HSPH1: variants seen among roughly 807,000 people sequenced by gnomAD.
The protein encoded by HSPH1 is heat shock protein family H (Hsp110) member 1, also known as heat shock protein 105 kDa.
In HSPH1, 40 loss-of-function variants were observed where a neutral mutation model predicts 100.0. The observed-to-expected ratio is 0.40, with a 90% confidence interval of 0.31 to 0.52. HSPH1 has a LOEUF of 0.52. Ranked by LOEUF, HSPH1 falls within the 20% of genes least tolerant of loss-of-function variation. The pLI, the probability that HSPH1 is intolerant of heterozygous loss-of-function variation, is 0.54. For synonymous variants in HSPH1, 403 were observed against 344.0 expected (o/e 1.17, Z -1.90); for missense variants, 876 against 1,015.1 (o/e 0.86, Z 1.86).
intron 11 of HSPH1, among the ~76,000 whole-genome samples, chr13:31,144,888 C>T (rs1452153308): frequency 1.3e-5 from 2 of 152,136 alleles, no homozygotes; most frequent in Non-Finnish European, 2.9e-5. Flanking sequence ...AGAAAGGTAA[C>T]AGTGATCACT....
At chr13:31,159,485 C>T (rs906287857) in intron 1 of HSPH1, among the ~76,000 whole-genome samples, 5 of 152,162 alleles carry the variant, frequency 3.3e-5, no homozygotes, top group African/African-American at 9.7e-5. Context: ...TCAGTTACAT[C>T]AAATCTGTTT....
In HSPH1 at chr13:31,138,456, A is replaced by T. The variant is rs1398268844; in HGVS notation, c.2321T>A (p.Leu774His). ...AGCACGTACAACTGGATCCTGATCA[A>T]GACTCTTTTTAGCCTGAGCATTCAT... ...NVMNAQAKKSLDQDPVVRAQE... is the reference protein window; with the variant it reads ...NVMNAQAKKSHDQDPVVRAQE... The change falls in exon 17 of 18, where the codon CTT becomes CAT. Residue 774 changes from leucine to histidine, a missense_variant. Leu to His is a moderately conservative substitution (Grantham distance 99). Coordinates refer to ENST00000320027, the MANE Select transcript of HSPH1 (RefSeq NM_006644.4). The T allele has an allele frequency of 1.2e-6, 2 of 1,613,414 alleles. No individual in the cohort carries two copies.
intron 2 of HSPH1, 122 bp downstream of exon 2, chr13:31,158,682 TAC>T: frequency 1.6e-6 from 1 of 627,550 alleles, no homozygotes; most frequent in East Asian, 2.7e-5. Context: ...ATACTTGAAT[TAC>T]ATTTTTAAAA....
At chr13:31,137,627 A>C in intron 17 of HSPH1, 103 bp from the exon 18 acceptor site, 1 of 760,870 alleles carries the variant, frequency 1.3e-6, no homozygotes, top group Non-Finnish European at 2.1e-6. Flanking sequence ...ACCAACTCCA[A>C]TTACACATAA....
intron 5 of HSPH1, chr13:31,152,264 A>G (rs1956515293): frequency 6.6e-6 from 1 of 152,334 alleles, no homozygotes; most frequent in East Asian, 1.9e-4. Context: ...TTTTCCAAAA[A>G]CCTAACAGAA....
intron 17 of HSPH1, 93 bp downstream of exon 17, chr13:31,138,314 T>C: frequency 8.4e-7 from 1 of 1,192,748 alleles, no homozygotes; most frequent in Non-Finnish European, 1.2e-6. Context: ...AGGTAAAAGA[T>C]TTACAGGAAA....
intron 9 of HSPH1, 35 bp from the exon 10 acceptor site, chr13:31,148,127 A>G (rs1321823299): frequency 1.9e-6 from 3 of 1,588,960 alleles, no homozygotes; most frequent in Admixed American, 3.7e-5. Flanking sequence ...CAGCAGATGA[A>G]GAACTTAAAA....
intron 14 of HSPH1, 76 bp from the exon 15 acceptor site, chr13:31,139,183 A>C: frequency 1.1e-6 from 1 of 911,314 alleles, no homozygotes; most frequent in Non-Finnish European, 1.8e-6. Flanking sequence ...AGGTATTCTC[A>C]CACTAGGTAG....
Position 31,151,207 on chromosome 13 carries a change from CAACA to C in HSPH1, c.664-20_664-17del. 1 of 1,580,616 alleles carries C rather than the reference CAACA, an allele frequency of 6.3e-7. No homozygotes were observed. The highest frequency in any genetic ancestry group is 8.6e-7 in the Non-Finnish European group (1 of 1,162,154). Reference sequence around the variant, plus strand: ...TTCCCAGTACCTAATTTGGTTGAAACAACAAATAGTCTGGTTATTTTCAATCACA... The same window carrying C: ...TTCCCAGTACCTAATTTGGTTGAAACAATAGTCTGGTTATTTTCAATCACA... On this transcript the variant is annotated splice_polypyrimidine_tract_variant and intron_variant, in intron 6 of 17. Coordinates refer to ENST00000320027, the MANE Select transcript of HSPH1 (RefSeq NM_006644.4).
intron 10 of HSPH1, 57 bp downstream of exon 10, chr13:31,147,902 G>T: frequency 7.0e-7 from 1 of 1,425,568 alleles, no homozygotes; most frequent in Non-Finnish European, 9.5e-7. Flanking sequence ...TTTGTACAAT[G>T]AGTGAGAAGC....
chr13:31,142,333 T>TC (rs1187455474), intron 12 of HSPH1, among the ~76,000 whole-genome samples: 3 of 152,088 alleles, frequency 2.0e-5, no homozygotes, highest in African/African-American at 7.2e-5. Context: ...ATCTCAGTGT[T>TC]CCTTAGAAAT....
intron 17 of HSPH1, among the ~76,000 whole-genome samples, chr13:31,137,927 C>G (rs1179355108): frequency 6.6e-6 from 1 of 152,136 alleles, no homozygotes; most frequent in African/African-American, 2.4e-5. Flanking sequence ...CCTTGACCTT[C>G]ACTGTGTTTG....
rs560743376 is a variant in HSPH1 at position 31,158,765 on chromosome 13, C to A, written c.165+41G>T. Reference sequence around the variant, plus strand: ...TCTTGAGATTTTCCTTTTAAAAACTCCCCCCTTAAAAAGTGATCCGAATTC... The same window carrying A: ...TCTTGAGATTTTCCTTTTAAAAACTACCCCCTTAAAAAGTGATCCGAATTC... On this transcript the variant is annotated intron_variant, in intron 2 of 17. Transcript: ENST00000320027. 804 of 1,277,056 alleles carry A rather than the reference C, an allele frequency of 6.3e-4. 8 individuals are homozygous for A. The South Asian group carries it at 9.4e-3, about 15-fold the overall frequency. The allele number at this position is 1,277,056 out of a possible 1,614,324, so 79.1% of individuals were successfully genotyped here.
At chr13:31,143,583 A>C (rs542608551) in intron 12 of HSPH1, among the ~76,000 whole-genome samples, 41 of 152,148 alleles carry the variant, frequency 2.7e-4, no homozygotes, top group Non-Finnish European at 5.3e-4. Flanking sequence ...AAGCTTTTAA[A>C]AGTTTAAAGC....
upstream of HSPH1, chr13:31,162,215 G>A (rs1241905914): frequency 3.4e-6 from 3 of 893,618 alleles, no homozygotes; most frequent in Non-Finnish European, 5.2e-6. Context: ...CCAAAACTCG[G>A]AATAGTCACA....
intron 2 of HSPH1, among the ~76,000 whole-genome samples, chr13:31,156,369 G>A (rs1470015616): frequency 2.0e-5 from 3 of 151,298 alleles, no homozygotes; most frequent in African/African-American, 7.3e-5. Flanking sequence ...CAGCCTGGGC[G>A]ACAGAGCGAG....
chr13:31,152,626 G>T (rs1446498354), intron 5 of HSPH1: 3 of 295,632 alleles, frequency 1.0e-5, no homozygotes, highest in Non-Finnish European at 1.9e-5. Context: ...CATTTTCAAA[G>T]GATTAAAAAA....
At chr13:31,157,924 G>T (rs1049993028) in intron 2 of HSPH1, among the ~76,000 whole-genome samples, 1 of 139,554 alleles carries the variant, frequency 7.2e-6, no homozygotes, top group Non-Finnish European at 1.6e-5. Flanking sequence ...ATCAGATACC[G>T]TACTTTACTT....
chr13:31,145,827 C>G, intron 10 of HSPH1, 59 bp from the exon 11 acceptor site: 1 of 1,523,596 alleles, frequency 6.6e-7, no homozygotes, highest in Non-Finnish European at 9.0e-7. Context: ...AAGTCTAAAT[C>G]TCTGTAGAGG....
Sources: allele counts gnomAD v4.1 joint callset (sites outside exome capture counted in the v4.1 genomes callset), GRCh38; gene constraint gnomAD v4.1.1; transcripts MANE v1.5; gene names NCBI Gene and HGNC (gene_info 2026-07-23, HGNC 2026-07-21).